TDRD5: variants seen among roughly 807,000 people sequenced by gnomAD.
TDRD5 encodes the protein tudor domain-containing protein 5.
In TDRD5, 41 loss-of-function variants were observed where a neutral mutation model predicts 120.6. The ratio of observed to expected loss-of-function variants is 0.34; its 90% CI spans 0.26 to 0.44. The LOEUF (loss-of-function observed/expected upper bound fraction) is 0.44, where lower values mean the gene tolerates loss of function less well. Among genes scored for constraint, TDRD5 ranks in the 20% least tolerant of loss-of-function variants. The probability of loss-of-function intolerance (pLI) is 1.00; values close to 1 mark genes in which losing one functional copy is unlikely to be tolerated. For synonymous variants in TDRD5, 430 were observed against 433.7 expected (o/e 0.99, Z 0.11); for missense variants, 1,006 against 1,221.2 (o/e 0.82, Z 2.63).
chr1:179,645,744 A>T (rs1344142117), intron 11 of TDRD5, among the ~76,000 whole-genome samples: 2 of 151,990 alleles, frequency 1.3e-5, no homozygotes, highest in Non-Finnish European at 2.9e-5. Context: ...TTTTGTATAC[A>T]ATTGAGGCTA....
At chr1:179,605,566 A>G (rs1675929030) in intron 4 of TDRD5, among the ~76,000 whole-genome samples, 1 of 152,138 alleles carries the variant, frequency 6.6e-6, no homozygotes, top group African/African-American at 2.4e-5. Context: ...CCACTATTGT[A>G]GTGTCATACT....
At chr1:179,678,819 G>A (rs1417740866) in intron 17 of TDRD5, among the ~76,000 whole-genome samples, 4 of 152,018 alleles carry the variant, frequency 2.6e-5, no homozygotes, top group Middle Eastern at 3.4e-3. Context: ...TTCATATGTG[G>A]GGGAAAAAAA....
At position 179,592,445 on chromosome 1, in the gene TDRD5, C is replaced by T. The variant is rs1675159152; in HGVS notation, c.-14-157C>T. The T allele has an allele frequency of 6.7e-6, 4 of 598,194 alleles. No homozygotes were observed. The Admixed American group carries it at 8.9e-5, about 13-fold the overall frequency. 37.1% of individuals were successfully genotyped at this position (598,194 alleles called of 1,614,324 possible). A position where few individuals can be genotyped will look rare whatever the true frequency, so the allele number is the denominator to read the frequency against. On this transcript the variant is annotated intron_variant, in intron 1 of 17. Transcript: ENST00000444136. ...GTGGAGATTCAGGGCTTGAATCGCC[C>T]GGCCACGCGCAAGCCGCAGGGCACC...
rs78038037 is a variant in TDRD5 at position 179,665,049 on chromosome 1, C to T, written c.2649+1558C>T. Among the ~76,000 whole-genome samples, 1,381 of 152,184 alleles carry T rather than the reference C, an allele frequency of 9.1e-3. 49 individuals are homozygous for T. Among genetic ancestry groups the T allele is most frequent in the East Asian group, 0.063 (328 of 5,176 alleles). ...TGGCTAATGATGTTGGGTGTCTTTT[C>T]ATGTGCTTATTGGTGATTTATCTTC... On this transcript the variant is annotated intron_variant, in intron 16 of 17. Transcript: ENST00000444136.
chr1:179,667,522 G>T (rs1679620102), intron 16 of TDRD5, among the ~76,000 whole-genome samples: 1 of 152,126 alleles, frequency 6.6e-6, no homozygotes, highest in Non-Finnish European at 1.5e-5. Context: ...TTGTCCACCT[G>T]TGAAGACTGA....
At chr1:179,620,865 A>G (rs1222908112) in intron 5 of TDRD5, among the ~76,000 whole-genome samples, 170 bp from the exon 6 acceptor site, 1 of 150,944 alleles carries the variant, frequency 6.6e-6, no homozygotes, top group East Asian at 2.0e-4. Flanking sequence ...TTTTTGTTCT[A>G]ATGTTTTTTA....
Position 179,691,134 on chromosome 1 carries a change from G to C in TDRD5, c.*191G>C. On this transcript the variant is annotated 3_prime_UTR_variant, in exon 18 of 18. Transcript: ENST00000444136. ...GTGTAAGTAAGTATTGATATTTACT[G>C]TTAATCTTGATTTTTCTTGATTTTA... The C allele has an allele frequency of 1.6e-6, 1 of 625,794 alleles. No homozygotes were observed. The highest frequency in any genetic ancestry group is 2.4e-6 in the Non-Finnish European group (1 of 408,382). The allele number at this position is 625,794 out of a possible 1,614,324, so 38.8% of individuals were successfully genotyped here. A position where few individuals can be genotyped will look rare whatever the true frequency, so the allele number is the denominator to read the frequency against.
intron 11 of TDRD5, among the ~76,000 whole-genome samples, chr1:179,645,639 T>C (rs1398510881): frequency 1.3e-5 from 2 of 152,242 alleles, no homozygotes; most frequent in Non-Finnish European, 2.9e-5. Context: ...GTTCTGATTT[T>C]TCTGTATTGC....
chr1:179,652,002 G>C (rs1370649047), intron 12 of TDRD5, 37 bp from the exon 13 acceptor site: 3 of 1,601,482 alleles, frequency 1.9e-6, no homozygotes, highest in Non-Finnish European at 2.6e-6. Flanking sequence ...TGTTGGTCAT[G>C]TAAATTAAAC....
chr1:179,635,580 G>A (rs1246384498), intron 8 of TDRD5, 87 bp from the exon 9 acceptor site: 2 of 1,183,176 alleles, frequency 1.7e-6, no homozygotes, highest in Admixed American at 2.4e-5. Flanking sequence ...TCTGATAAAG[G>A]TGATTCATGA....
intron 4 of TDRD5, among the ~76,000 whole-genome samples, chr1:179,614,929 C>G (rs752094590): frequency 6.6e-6 from 1 of 152,014 alleles, no homozygotes; most frequent in Non-Finnish European, 1.5e-5. Context: ...TTCAAATACA[C>G]AATATATTGT....
At chr1:179,663,207 A>C in intron 15 of TDRD5, 141 bp from the exon 16 acceptor site, 4 of 943,012 alleles carry the variant, frequency 4.2e-6, no homozygotes, top group Non-Finnish European at 6.0e-6. Flanking sequence ...CAAGGAGGAA[A>C]GTCAAACTGA....
chr1:179,681,810 G>T (rs1012922417), intron 17 of TDRD5, among the ~76,000 whole-genome samples: 2 of 148,544 alleles, frequency 1.3e-5, no homozygotes, highest in Non-Finnish European at 3.0e-5. Flanking sequence ...ATTGGATGTT[G>T]TTCTGTTGCT....
At chr1:179,616,726 A>G (rs926236815) in intron 4 of TDRD5, among the ~76,000 whole-genome samples, 14 of 152,058 alleles carry the variant, frequency 9.2e-5, no homozygotes, top group Admixed American at 5.2e-4. Flanking sequence ...TCTACCTTCA[A>G]TGTTCTCTCT....
chr1:179,650,842 A>C (rs779410557), intron 11 of TDRD5, 25 bp from the exon 12 acceptor site: 2 of 1,611,974 alleles, frequency 1.2e-6, no homozygotes, highest in Admixed American at 3.3e-5. Context: ...TATCACCTGA[A>C]TCCAATATCT....
At chr1:179,661,238 T>G (rs1211024246) in intron 14 of TDRD5, among the ~76,000 whole-genome samples, 1 of 152,198 alleles carries the variant, frequency 6.6e-6, no homozygotes, top group Non-Finnish European at 1.5e-5. Context: ...ATTTTGGATG[T>G]TTTCAGCCAT....
At chr1:179,667,924 T>C (rs1317819267) in intron 16 of TDRD5, among the ~76,000 whole-genome samples, 1 of 152,198 alleles carries the variant, frequency 6.6e-6, no homozygotes, top group Non-Finnish European at 1.5e-5. Context: ...GTGTGATGCA[T>C]ATGAGCCAGA....
At chr1:179,629,459 A>G (rs1338658248) in intron 6 of TDRD5, among the ~76,000 whole-genome samples, 1 of 152,222 alleles carries the variant, frequency 6.6e-6, no homozygotes, top group Non-Finnish European at 1.5e-5. Context: ...GTTTTTCAGT[A>G]TAAAATGCAT....
intron 4 of TDRD5, among the ~76,000 whole-genome samples, chr1:179,611,696 G>A (rs575593395): frequency 9.2e-5 from 14 of 152,276 alleles, no homozygotes; most frequent in East Asian, 3.9e-4. Flanking sequence ...AGGCAATAAC[G>A]AATGCAGAGT....
Sources: gnomAD v4.1 joint callset for allele counts (sites outside exome capture counted in the v4.1 genomes callset) on GRCh38, gnomAD v4.1.1 for gene constraint, MANE v1.5 for transcripts, NCBI Gene and HGNC (gene_info 2026-07-23, HGNC 2026-07-21) for gene names.